The following AK5 variants were observed in gnomAD, a reference collection of about 807,000 sequenced individuals.
The protein encoded by AK5 is adenylate kinase 5, also known as adenylate kinase isoenzyme 5.
Under a neutral mutation model 69.5 loss-of-function variants are expected in AK5, and 27 were observed. The observed-to-expected ratio is 0.39, with a 90% CI of 0.29 to 0.54. AK5 has a LOEUF of 0.54. AK5 is among the 20% of genes least tolerant of loss of function. The pLI, the probability that AK5 is intolerant of heterozygous loss-of-function variation, is 0.71. For synonymous variants in AK5, 260 were observed against 244.4 expected (o/e 1.06, Z -0.60); for missense variants, 531 against 700.4 (o/e 0.76, Z 2.73).
At chr1:77,321,729 G>A (rs894209517) in intron 5 of AK5, among the ~76,000 whole-genome samples, 2 of 152,000 alleles carry the variant, frequency 1.3e-5, no homozygotes, top group African/African-American at 4.8e-5. Context: ...TCTATTTAAC[G>A]TTGTTAAATA....
chr1:77,367,234 G>A (rs959571803), intron 6 of AK5, among the ~76,000 whole-genome samples: 12 of 151,696 alleles, frequency 7.9e-5, no homozygotes, highest in Non-Finnish European at 1.5e-4. Flanking sequence ...TTTTTGGGGG[G>A]AGGGTGGGAT....
chr1:77,421,412 G>T (rs1472498735), intron 8 of AK5, among the ~76,000 whole-genome samples: 1 of 152,292 alleles, frequency 6.6e-6, no homozygotes, highest in Admixed American at 6.5e-5. Context: ...GCGCAGGAAA[G>T]ATAGGCTAGG....
intron 6 of AK5, chr1:77,345,920 T>G (rs572322793): frequency 1.3e-5 from 2 of 152,296 alleles, no homozygotes; most frequent in South Asian, 4.1e-4. Flanking sequence ...ACTAATAGCC[T>G]ACTGTCAACC....
chr1:77,333,402 C>A (rs1272091807), intron 5 of AK5, among the ~76,000 whole-genome samples: 1 of 152,130 alleles, frequency 6.6e-6, no homozygotes, highest in Non-Finnish European at 1.5e-5. Flanking sequence ...AATATTTATT[C>A]TGTTCAAATC....
chr1:77,481,610 T>A (rs1655256770), intron 8 of AK5, among the ~76,000 whole-genome samples: 1 of 152,164 alleles, frequency 6.6e-6, no homozygotes, highest in Admixed American at 6.5e-5. Flanking sequence ...CAAGGGAGTG[T>A]TAATACAACC....
intron 5 of AK5, among the ~76,000 whole-genome samples, chr1:77,324,754 A>G (rs1288147953): frequency 1.3e-5 from 2 of 151,552 alleles, no homozygotes; most frequent in African/African-American, 2.4e-5. Context: ...TTAAAGGGGC[A>G]TGAGGCGAGA....
intron 5 of AK5, among the ~76,000 whole-genome samples, chr1:77,316,935 A>G (rs1352251767): frequency 1.3e-5 from 2 of 152,192 alleles, no homozygotes; most frequent in South Asian, 2.1e-4. Context: ...TGATTTTGCC[A>G]TGTATATCAA....
chr1:77,490,039 A>G (rs530473899), intron 10 of AK5, among the ~76,000 whole-genome samples: 1 of 152,316 alleles, frequency 6.6e-6, no homozygotes, highest in South Asian at 2.1e-4. Context: ...TGTCTACATC[A>G]TTCATTTGGG....
At chr1:77,422,108 A>G (rs1650854429) in intron 8 of AK5, among the ~76,000 whole-genome samples, 2 of 152,150 alleles carry the variant, frequency 1.3e-5, no homozygotes, top group Non-Finnish European at 2.9e-5. Context: ...AGCCAGACAC[A>G]AGGGCGTCTT....
intron 7 of AK5, among the ~76,000 whole-genome samples, chr1:77,415,708 A>G (rs1280157109): frequency 6.6e-6 from 1 of 152,144 alleles, no homozygotes; most frequent in East Asian, 1.9e-4. Context: ...CATGGACTTG[A>G]CAGCATGCTC....
intron 8 of AK5, among the ~76,000 whole-genome samples, chr1:77,429,114 C>T (rs1463488548): frequency 6.6e-6 from 1 of 152,100 alleles, no homozygotes; most frequent in African/African-American, 2.4e-5. Context: ...TGGGTATATA[C>T]CCAGTAATGG....
intron 6 of AK5, among the ~76,000 whole-genome samples, chr1:77,357,034 C>T (rs1570432684): frequency 6.6e-6 from 1 of 152,144 alleles, no homozygotes; most frequent in East Asian, 1.9e-4. Context: ...CTTCCACTGT[C>T]TATTGATTTT....
intron 2 of AK5, 30 bp downstream of exon 2, chr1:77,287,157 T>C: frequency 1.4e-6 from 2 of 1,422,112 alleles, no homozygotes; most frequent in Non-Finnish European, 1.9e-6. Context: ...ATAGACAGTT[T>C]TATAGTTATA....
intron 2 of AK5, among the ~76,000 whole-genome samples, chr1:77,292,301 C>T (rs1186101109): frequency 3.3e-5 from 5 of 152,226 alleles, no homozygotes; most frequent in African/African-American, 1.2e-4. Flanking sequence ...CCAGCTCTTT[C>T]TAAAAGAGAT....
chr1:77,538,424 G>T lies in AK5; in HGVS notation c.1620+2386G>T, dbSNP rs1659091547. 2.6e-5 allele frequency among the ~76,000 whole-genome samples: 4 copies of T among 151,646 alleles called. No homozygotes were observed. In the South Asian group the frequency reaches 8.3e-4, roughly 32 times the overall value. On this transcript the variant is annotated intron_variant, in intron 13 of 13. Transcript: ENST00000354567. ...AAGAGCAATGTCTTAAGAATTCAGG[G>T]CTGCAAAGGCCTTTCCAAAATTAGA... is the stretch of plus-strand genomic sequence containing the variant.
intron 12 of AK5, among the ~76,000 whole-genome samples, chr1:77,524,250 T>C (rs1362121529): frequency 6.6e-6 from 1 of 152,224 alleles, no homozygotes; most frequent in Non-Finnish European, 1.5e-5. Flanking sequence ...ACTACATGTG[T>C]ACAATATCTG....
At chr1:77,469,347 G>A (rs1654325122) in intron 8 of AK5, among the ~76,000 whole-genome samples, 1 of 152,202 alleles carries the variant, frequency 6.6e-6, no homozygotes, top group African/African-American at 2.4e-5. Flanking sequence ...ACTTTGAGGA[G>A]AGTTCCTCGA....
intron 6 of AK5, among the ~76,000 whole-genome samples, chr1:77,383,704 A>G (rs1158822433): frequency 6.6e-6 from 1 of 152,192 alleles, no homozygotes; most frequent in African/African-American, 2.4e-5. Context: ...TAAAATATCA[A>G]AATGTAATAT....
At chr1:77,282,620 T>G in intron 1 of AK5, 1 of 1,279,830 alleles carries the variant, frequency 7.8e-7, no homozygotes, top group Non-Finnish European at 9.9e-7. Flanking sequence ...AGCAGGGTTC[T>G]GAAAGCAGCC....
Sources: allele counts gnomAD v4.1 joint callset (sites outside exome capture counted in the v4.1 genomes callset), GRCh38; gene constraint gnomAD v4.1.1; transcripts MANE v1.5; gene names NCBI Gene and HGNC (gene_info 2026-07-23, HGNC 2026-07-21).